The following HSD17B12 variants were observed in gnomAD, a reference collection of about 807,000 sequenced individuals.
HSD17B12 encodes the protein hydroxysteroid 17-beta dehydrogenase 12, also known as very-long-chain 3-oxoacyl-CoA reductase.
A neutral mutation model predicts 39.3 loss-of-function variants in HSD17B12; 32 were observed. That is an observed-to-expected ratio of 0.81 (90% CI 0.61 to 1.09). The LOEUF is 1.09. HSD17B12 is among the 50% of genes least tolerant of loss of function. The pLI is 0.00. For synonymous variants in HSD17B12, 150 were observed against 146.7 expected (o/e 1.02, Z -0.16); for missense variants, 342 against 382.9 (o/e 0.89, Z 0.89).
At chr11:43,764,842 G>A (rs1019931041) in intron 3 of HSD17B12, among the ~76,000 whole-genome samples, 9 of 151,964 alleles carry the variant, frequency 5.9e-5, no homozygotes, top group African/African-American at 1.9e-4. Flanking sequence ...AGTTGATCTC[G>A]CTTTTTTATC....
intron 1 of HSD17B12, among the ~76,000 whole-genome samples, chr11:43,701,145 A>G (rs1032000174): frequency 6.6e-6 from 1 of 152,208 alleles, no homozygotes; most frequent in Non-Finnish European, 1.5e-5. Context: ...CTTTTGAGAA[A>G]TGTCTATACA....
chr11:43,813,526 T>C (rs1189530317), intron 4 of HSD17B12, among the ~76,000 whole-genome samples: 3 of 143,326 alleles, frequency 2.1e-5, no homozygotes, highest in African/African-American at 5.2e-5. Flanking sequence ...CTTAAACTGA[T>C]ATAAAGAATA....
At chr11:43,583,084 A>C in the HSD17B12 span, among the ~76,000 whole-genome samples, 1 of 152,136 alleles carries the variant, frequency 6.6e-6, no homozygotes, top group African/African-American at 2.4e-5. Flanking sequence ...TTTGCTTCTT[A>C]CATACCCCTC....
At chr11:43,578,197 A>G in the HSD17B12 span, among the ~76,000 whole-genome samples, 1 of 152,216 alleles carries the variant, frequency 6.6e-6, no homozygotes, top group Non-Finnish European at 1.5e-5. Context: ...AATATTTTAT[A>G]TGTTTATTAA....
the HSD17B12 span, among the ~76,000 whole-genome samples, chr11:43,592,743 TG>T: frequency 6.6e-6 from 1 of 152,176 alleles, no homozygotes; most frequent in South Asian, 2.1e-4. Flanking sequence ...TGCAAATTTA[TG>T]GGTAAAATAT....
At chr11:43,729,008 A>G (rs1245717869) in intron 1 of HSD17B12, among the ~76,000 whole-genome samples, 1 of 152,202 alleles carries the variant, frequency 6.6e-6, no homozygotes, top group East Asian at 1.9e-4. Context: ...TACATGCTCT[A>G]TAATTACATA....
At chr11:43,597,366 A>G in the HSD17B12 span, among the ~76,000 whole-genome samples, 1 of 152,236 alleles carries the variant, frequency 6.6e-6, no homozygotes, top group Non-Finnish European at 1.5e-5. Context: ...TGATTGGAAC[A>G]TTGGATAAAT....
intron 3 of HSD17B12, among the ~76,000 whole-genome samples, chr11:43,776,353 C>T (rs1223529725): frequency 5.3e-5 from 8 of 151,918 alleles, no homozygotes; most frequent in African/African-American, 9.7e-5. Flanking sequence ...CTCTGATGGC[C>T]AGTGATGGTG....
intron 6 of HSD17B12, among the ~76,000 whole-genome samples, chr11:43,822,176 A>C (rs1951189283): frequency 6.6e-6 from 1 of 152,160 alleles, no homozygotes; most frequent in African/African-American, 2.4e-5. Context: ...AAGGAAATGG[A>C]TGGGTGTGCG....
At chr11:43,598,052 TC>T in the HSD17B12 span, among the ~76,000 whole-genome samples, 1 of 152,114 alleles carries the variant, frequency 6.6e-6, no homozygotes, top group Non-Finnish European at 1.5e-5. Context: ...TCTACTCAGT[TC>T]CCTCTAGAAC....
chr11:43,739,763 A>G (rs1950347885), intron 1 of HSD17B12, among the ~76,000 whole-genome samples: 1 of 152,218 alleles, frequency 6.6e-6, no homozygotes, highest in Non-Finnish European at 1.5e-5. Context: ...GGAGGTGTAG[A>G]GAACATTTTC....
the HSD17B12 span, among the ~76,000 whole-genome samples, chr11:43,613,663 T>C: frequency 1.3e-5 from 2 of 151,600 alleles, no homozygotes; most frequent in Non-Finnish European, 2.9e-5. Context: ...CATCATAGCC[T>C]TCCATGAATT....
chr11:43,625,759 T>TA, the HSD17B12 span, among the ~76,000 whole-genome samples: 2 of 151,230 alleles, frequency 1.3e-5, no homozygotes, highest in African/African-American at 4.8e-5. Context: ...TAATAATTCA[T>TA]AAAAATGTTA....
intron 1 of HSD17B12, among the ~76,000 whole-genome samples, chr11:43,742,058 C>T (rs973250189): frequency 6.7e-6 from 1 of 148,704 alleles, no homozygotes; most frequent in East Asian, 2.0e-4. Context: ...TATCCAACTA[C>T]AGCTGCTATC....
At chr11:43,655,742 C>T in the HSD17B12 span, among the ~76,000 whole-genome samples, 1 of 152,200 alleles carries the variant, frequency 6.6e-6, no homozygotes, top group Middle Eastern at 3.4e-3. Flanking sequence ...GCCTTGCATC[C>T]CAGGGATGAA....
chr11:43,793,949 A>G (rs1383693589), intron 3 of HSD17B12, among the ~76,000 whole-genome samples: 1 of 152,220 alleles, frequency 6.6e-6, no homozygotes, highest in Non-Finnish European at 1.5e-5. Flanking sequence ...AAAGGGAGTG[A>G]ATAGTATCAG....
the HSD17B12 span, among the ~76,000 whole-genome samples, chr11:43,590,437 CAAAAAA>C: frequency 1.5e-5 from 1 of 66,266 alleles, no homozygotes; most frequent in African/African-American, 5.8e-5. Context: ...TTAAGTTTAG[CAAAAAA>C]AAAAAAAAAA....
intron 6 of HSD17B12, among the ~76,000 whole-genome samples, chr11:43,828,141 C>CTTTTT (rs551697407): frequency 7.6e-6 from 1 of 131,272 alleles, no homozygotes; most frequent in African/African-American, 2.8e-5. Flanking sequence ...TTGTCTACTT[C>CTTTTT]TTTTTTTTTT....
At chr11:43,778,901 G>A in intron 3 of HSD17B12, among the ~76,000 whole-genome samples, 2 of 152,206 alleles carry the variant, frequency 1.3e-5, no homozygotes, top group South Asian at 4.1e-4. Context: ...CTTCTGTATT[G>A]TGAACTAATT....
Sources: gnomAD v4.1 joint callset for allele counts (sites outside exome capture counted in the v4.1 genomes callset) on GRCh38, gnomAD v4.1.1 for gene constraint, MANE v1.5 for transcripts, NCBI Gene and HGNC (gene_info 2026-07-23, HGNC 2026-07-21) for gene names.